Variants in CARM1 observed in about 807,000 individuals in gnomAD.
The protein encoded by CARM1 is histone-arginine methyltransferase CARM1.
CARM1 carries 14 observed loss-of-function variants against 72.7 expected under a neutral mutation model. The ratio of observed to expected loss-of-function variants is 0.19; its 90% CI spans 0.13 to 0.30. The LOEUF is 0.30. Ranked by LOEUF, CARM1 falls within the 10% of genes least tolerant of loss-of-function variation. The probability of loss-of-function intolerance (pLI) is 1.00; values close to 1 mark genes in which losing one functional copy is unlikely to be tolerated. For synonymous variants in CARM1, 333 were observed against 345.5 expected, an observed-to-expected ratio of 0.96 and a Z score of 0.40; for missense variants, 432 against 833.7, an observed-to-expected ratio of 0.52 and a Z score of 5.93.
chr19:10,920,261 A>G lies in CARM1; in HGVS notation c.1197-175A>G, dbSNP rs1291454278. 6.6e-6 allele frequency among the ~76,000 whole-genome samples: 1 copy of G among 151,812 alleles called. No individual in the cohort carries two copies. Among genetic ancestry groups the G allele is most frequent in the Non-Finnish European group, 1.5e-5 (1 of 67,978 alleles). On this transcript the variant is annotated intron_variant, in intron 10 of 15. Transcript: ENST00000327064. The surrounding 1 kb of genome is among the most constrained non-coding windows in gnomAD (Gnocchi z 5.3). ...TTGCGGGCCCCTCGTGTGTACATGTATGCCTGCTCATGTTTGTGTCTGGGA... is the reference window on the plus strand; with the variant it reads ...TTGCGGGCCCCTCGTGTGTACATGTGTGCCTGCTCATGTTTGTGTCTGGGA...
chr19:10,907,910 G>A (rs1273530898), intron 2 of CARM1, 129 bp from the exon 3 acceptor site: 1 of 625,418 alleles, frequency 1.6e-6, no homozygotes, highest in Non-Finnish European at 2.9e-6. Flanking sequence ...TTTCGGGGAA[G>A]AGAAATCACC....
Position 10,920,991 on chromosome 19 carries a change from C to G in CARM1, c.1537+45C>G. 6.2e-7 allele frequency: 1 copy of G among 1,612,436 alleles called. No individual in the cohort carries two copies. The highest frequency in any genetic ancestry group is 8.5e-7 in the Non-Finnish European group (1 of 1,178,522). ...ATGCCCAGCCAACCCGGGAGGCCGC[C>G]CTCGCCGCAGGCCTGGCCCCTCTGC... On this transcript the variant is annotated intron_variant, in intron 13 of 15. Coordinates refer to ENST00000327064, the MANE Select transcript of CARM1 (RefSeq NM_199141.2). This position sits in a 1 kb window ranked among gnomAD's most constrained non-coding sequence, Gnocchi z 5.3.
At chr19:10,913,125 G>C (rs577788826) in intron 5 of CARM1, among the ~76,000 whole-genome samples, 3 of 147,056 alleles carry the variant, frequency 2.0e-5, no homozygotes, top group South Asian at 2.2e-4. Context: ...TTTTTTTTTG[G>C]GGGGGGTCTC....
intron 1 of CARM1, 98 bp from the exon 2 acceptor site, chr19:10,904,853 C>A: frequency 2.0e-6 from 3 of 1,502,450 alleles, no homozygotes; most frequent in Admixed American, 1.8e-5. Context: ...AATCTGGGGG[C>A]ACCAAGGGGA....
In CARM1 at chr19:10,871,713, C is replaced by A; in HGVS notation, c.11C>A (p.Ala4Glu). 1 of 901,376 alleles carries A rather than the reference C, an allele frequency of 1.1e-6. No individual in the cohort carries two copies. Among genetic ancestry groups the A allele is most frequent in the Non-Finnish European group, 1.3e-6 (1 of 753,716 alleles). 55.8% of individuals were successfully genotyped at this position (901,376 alleles called of 1,614,324 possible). ...GGAGCCGGATCTAAGATGGCAGCGG[C>A]GGCGGCGGCGGTGGGGCCGGGCGCG... The part of the protein sequence containing the change: MAA[A>E]AAAVGPGAGG... The change falls in exon 1 of 16, where the codon GCG (alanine) becomes GAG (glutamate). Residue 4 changes from alanine (A) to glutamate (E), a missense_variant. Ala to Glu is a moderately radical substitution (Grantham distance 107). This residue lies in a region of CARM1 where 138 missense variants were observed against 192.3 expected (regional missense o/e 0.72). Transcript: ENST00000327064. The surrounding 1 kb of genome is among the most constrained non-coding windows in gnomAD (Gnocchi z 5.6).
chr19:10,873,221 G>A (rs1010628342), intron 1 of CARM1, among the ~76,000 whole-genome samples: 1 of 152,122 alleles, frequency 6.6e-6, no homozygotes, highest in Admixed American at 6.5e-5. Context: ...AGAACAAAGC[G>A]GGGCAGCGTT....
chr19:10,877,249 C>T (rs751005872), intron 1 of CARM1, among the ~76,000 whole-genome samples: 17 of 152,030 alleles, frequency 1.1e-4, no homozygotes, highest in Non-Finnish European at 1.9e-4. Flanking sequence ...TGTGTTTCAG[C>T]GGTGCCTGCG....
At chr19:10,875,488 G>A (rs1195228135) in intron 1 of CARM1, among the ~76,000 whole-genome samples, 5 of 151,652 alleles carry the variant, frequency 3.3e-5, no homozygotes, top group Non-Finnish European at 7.4e-5. Context: ...GCAATTGCGC[G>A]ATCTCCGCTT....
intron 1 of CARM1, among the ~76,000 whole-genome samples, chr19:10,903,912 C>G (rs1379723252): frequency 6.6e-6 from 1 of 152,176 alleles, no homozygotes; most frequent in South Asian, 2.1e-4. Context: ...CTATGCTGCC[C>G]AGGCTGATCT....
chr19:10,885,445 A>G (rs963277844), intron 1 of CARM1, among the ~76,000 whole-genome samples: 2 of 152,182 alleles, frequency 1.3e-5, no homozygotes, highest in Non-Finnish European at 2.9e-5. Flanking sequence ...ACACATGTGC[A>G]AGCGTAGTGG....
chr19:10,893,497 C>G (rs2074003067), intron 1 of CARM1, among the ~76,000 whole-genome samples: 2 of 152,172 alleles, frequency 1.3e-5, no homozygotes, highest in South Asian at 2.1e-4. Context: ...CGCTACCACG[C>G]CCGGCTAATT....
At position 10,913,954 on chromosome 19, in the gene CARM1, GCAGGTGGACATCATCATCTCGGAGCC is replaced by G; in HGVS notation, c.750_775del (p.Gln250HisfsTer33). ...AGGTGGAGGAGGTGTCACTCCCCGAGCAGGTGGACATCATCATCTCGGAGCCCATGGGCTACATGCTCTTCAACGAG... is the reference window on the plus strand; with the variant it reads ...AGGTGGAGGAGGTGTCACTCCCCGAGCATGGGCTACATGCTCTTCAACGAG... On this transcript the variant is annotated frameshift_variant, in exon 6 of 16. Coordinates refer to ENST00000327064, the MANE Select transcript of CARM1 (RefSeq NM_199141.2). LOFTEE classifies it high-confidence loss of function. 1 of 1,613,862 alleles carries G rather than the reference GCAGGTGGACATCATCATCTCGGAGCC, an allele frequency of 6.2e-7. No individual in the cohort carries two copies. The highest frequency in any genetic ancestry group is 8.5e-7 in the Non-Finnish European group (1 of 1,180,010).
chr19:10,890,271 T>TGG (rs1175028165), intron 1 of CARM1, among the ~76,000 whole-genome samples: 1 of 91,910 alleles, frequency 1.1e-5, no homozygotes, highest in Non-Finnish European at 2.5e-5. Context: ...TTTTGTTTGT[T>TGG]TTTTTTTTTT....
intron 1 of CARM1, among the ~76,000 whole-genome samples, chr19:10,884,265 C>T (rs568539990): frequency 6.7e-6 from 1 of 150,214 alleles, no homozygotes; most frequent in African/African-American, 2.5e-5. Context: ...CTCTTGAACC[C>T]AGGAGATGGA....
In CARM1 at chr19:10,913,868, C is replaced by G; in HGVS notation, c.670-9C>G. On this transcript the variant is annotated splice_polypyrimidine_tract_variant and intron_variant, in intron 5 of 15. Transcript: ENST00000327064. ...GCAGGGAAGCCCACATGGCCCTGCC[C>G]GCCTGCAGGTCTTGGTGAAGAGTAA... is the stretch of plus-strand genomic sequence containing the variant. 1.2e-6 allele frequency: 2 copies of G among 1,609,906 alleles called. No homozygotes were observed. Among genetic ancestry groups the G allele is most frequent in the Non-Finnish European group, 1.7e-6 (2 of 1,177,836 alleles).
rs1483111085 is a variant in CARM1 at position 10,912,913 on chromosome 19, C to T, written c.669+619C>T. ...GCTGCTGTCCTGAGCCCCTCTCCCA[C>T]ATGCGGTTGTGTCTGTAGGACACAC... On this transcript the variant is annotated intron_variant, in intron 5 of 15. Transcript: ENST00000327064. This position sits in a 1 kb window ranked among gnomAD's most constrained non-coding sequence, Gnocchi z 4.5. 1.3e-5 allele frequency among the ~76,000 whole-genome samples: 2 copies of T among 152,210 alleles called. No individual in the cohort carries two copies. Among genetic ancestry groups the T allele is most frequent in the African/African-American group, 4.8e-5 (2 of 41,458 alleles).
In CARM1 at chr19:10,903,592, C is replaced by T. The variant is rs187239480; in HGVS notation, c.221-1359C>T. On this transcript the variant is annotated intron_variant, in intron 1 of 15. Coordinates refer to ENST00000327064, the MANE Select transcript of CARM1 (RefSeq NM_199141.2). ...TTTTTTTTTTTTTAATAGGATCTCA[C>T]GTCTGTTGCCTAGACTAGAGTGCAG... 3.9e-3 allele frequency among the ~76,000 whole-genome samples: 590 copies of T among 150,760 alleles called. 10 individuals carry two copies. In the Middle Eastern group the frequency reaches 0.041, roughly 10 times the overall value.
chr19:10,894,012 G>A (rs1396732228), intron 1 of CARM1, among the ~76,000 whole-genome samples: 1 of 152,246 alleles, frequency 6.6e-6, no homozygotes, highest in Admixed American at 6.5e-5. Context: ...TGGGTGCCAA[G>A]CCACACAGGA....
chr19:10,894,121 A>T (rs2074007154), intron 1 of CARM1, among the ~76,000 whole-genome samples: 1 of 152,114 alleles, frequency 6.6e-6, no homozygotes, highest in Non-Finnish European at 1.5e-5. Flanking sequence ...GTCTGCCTGG[A>T]ATCTGAATTG....
Sources: allele counts gnomAD v4.1 joint callset (sites outside exome capture counted in the v4.1 genomes callset), GRCh38; gene constraint gnomAD v4.1.1; regional missense constraint gnomAD v4.1.1; non-coding constraint Gnocchi (gnomAD v3.1); transcripts MANE v1.5; gene names NCBI Gene and HGNC (gene_info 2026-07-23, HGNC 2026-07-21).